PDE8B: variants seen among roughly 807,000 people sequenced by gnomAD.
PDE8B encodes the protein high affinity cAMP-specific and IBMX-insensitive 3',5'-cyclic phosphodiesterase 8B.
Under a neutral mutation model 101.3 loss-of-function variants are expected in PDE8B, and 26 were observed. The observed-to-expected ratio is 0.26, with a 90% CI of 0.19 to 0.36. The LOEUF (loss-of-function observed/expected upper bound fraction) is 0.36. Ranked by LOEUF, PDE8B falls within the 10% of genes least tolerant of loss-of-function variation. The pLI, the probability that PDE8B is intolerant of heterozygous loss-of-function variation, is 1.00. For synonymous variants in PDE8B, 424 were observed against 429.3 expected (o/e 0.99, Z 0.15); for missense variants, 810 against 1,163.1 (o/e 0.70, Z 4.42).
intron 7 of PDE8B, among the ~76,000 whole-genome samples, chr5:77,347,124 A>G (rs1002494619): frequency 6.6e-6 from 1 of 152,056 alleles, no homozygotes; most frequent in Admixed American, 6.6e-5. Flanking sequence ...CATCTATCTA[A>G]ACTCTATATG....
At chr5:77,107,875 A>G in the PDE8B span, among the ~76,000 whole-genome samples, 1 of 152,184 alleles carries the variant, frequency 6.6e-6, no homozygotes, top group Non-Finnish European at 1.5e-5. Flanking sequence ...TGTATTCTAT[A>G]TGGAAGTTAA....
chr5:77,190,522 T>A, the PDE8B span, among the ~76,000 whole-genome samples: 1 of 152,246 alleles, frequency 6.6e-6, no homozygotes, highest in Admixed American at 6.5e-5. Flanking sequence ...GTCTATAGTT[T>A]AGCGGCCAGT....
intron 1 of PDE8B, among the ~76,000 whole-genome samples, chr5:77,278,410 C>A (rs2149826105): frequency 6.6e-6 from 1 of 152,306 alleles, no homozygotes; most frequent in South Asian, 2.1e-4. Flanking sequence ...AGCCAAGTGT[C>A]TTTGAAGAAT....
the PDE8B span, chr5:77,113,624 C>A: frequency 6.6e-6 from 1 of 152,156 alleles, no homozygotes; most frequent in African/African-American, 2.4e-5. Flanking sequence ...ATGACTACAA[C>A]ACCAAAAGCA....
At chr5:77,124,877 G>A in the PDE8B span, among the ~76,000 whole-genome samples, 1 of 152,176 alleles carries the variant, frequency 6.6e-6, no homozygotes, top group African/African-American at 2.4e-5. Context: ...TATCATGTGT[G>A]CATCTGAAGT....
the PDE8B span, chr5:77,106,133 C>T: frequency 6.6e-6 from 1 of 152,020 alleles, no homozygotes; most frequent in Non-Finnish European, 1.5e-5. Flanking sequence ...TTTCATCTTC[C>T]TAATGGTGTT....
intron 1 of PDE8B, among the ~76,000 whole-genome samples, chr5:77,300,443 G>T (rs1455914628): frequency 6.6e-6 from 1 of 152,150 alleles, no homozygotes; most frequent in Non-Finnish European, 1.5e-5. Flanking sequence ...ACTCTCTAGG[G>T]TTTGGGGAGA....
At chr5:77,088,960 A>G in the PDE8B span, among the ~76,000 whole-genome samples, 1 of 152,286 alleles carries the variant, frequency 6.6e-6, no homozygotes, top group East Asian at 1.9e-4. Context: ...ATATCCTTAA[A>G]AGAAGAACAA....
At chr5:77,099,334 G>A in the PDE8B span, among the ~76,000 whole-genome samples, 7 of 152,338 alleles carry the variant, frequency 4.6e-5, no homozygotes, top group Admixed American at 3.9e-4. Context: ...CTAGAGCTGA[G>A]TAGACCAGTT....
intron 1 of PDE8B, among the ~76,000 whole-genome samples, chr5:77,259,792 C>G (rs1475156482): frequency 2.6e-5 from 4 of 152,212 alleles, no homozygotes; most frequent in East Asian, 1.9e-4. Flanking sequence ...AGATGAGTCT[C>G]TATAGTGTGG....
the PDE8B span, among the ~76,000 whole-genome samples, chr5:77,171,800 C>T: frequency 4.6e-5 from 7 of 152,176 alleles, no homozygotes; most frequent in African/African-American, 9.6e-5. Flanking sequence ...TCTGGGTTGC[C>T]GCGGAGGGAT....
Position 77,427,919 on chromosome 5 carries a change from C to G in PDE8B, c.*1365C>G, listed in dbSNP as rs141517393. On this transcript the variant is annotated 3_prime_UTR_variant, in exon 22 of 22. Transcript: ENST00000264917. Reference sequence around the variant, plus strand: ...TAATTGAATCAGTAATTACTTTTTTCCAATACAAATTGGAATGCAGAATAC... The same window carrying G: ...TAATTGAATCAGTAATTACTTTTTTGCAATACAAATTGGAATGCAGAATAC... 46 of 152,140 alleles carry G rather than the reference C, an allele frequency of 3.0e-4. No homozygotes were observed. Among genetic ancestry groups the G allele is most frequent in the African/African-American group, 1.1e-3 (45 of 41,522 alleles). The allele number at this position is 152,140 out of a possible 1,614,324, so 9.4% of individuals were successfully genotyped here. A position where few individuals can be genotyped will look rare whatever the true frequency, so the allele number is the denominator to read the frequency against.
intron 1 of PDE8B, among the ~76,000 whole-genome samples, chr5:77,260,732 C>T (rs1446701227): frequency 1.3e-5 from 2 of 151,842 alleles, no homozygotes; most frequent in African/African-American, 2.4e-5. Flanking sequence ...GGATTGCAGG[C>T]ATGTACCACC....
intron 1 of PDE8B, among the ~76,000 whole-genome samples, chr5:77,287,558 C>CTG (rs1465468747): frequency 3.7e-4 from 54 of 145,854 alleles, no homozygotes; most frequent in African/African-American, 1.3e-3. Flanking sequence ...CTGACGCGTT[C>CTG]TCTCTAATCC....
At chr5:77,133,709 A>G in the PDE8B span, among the ~76,000 whole-genome samples, 1 of 152,198 alleles carries the variant, frequency 6.6e-6, no homozygotes, top group Non-Finnish European at 1.5e-5. Flanking sequence ...TGTGCTGAGA[A>G]GTCTTCATGC....
chr5:77,297,853 A>C (rs1388839279), intron 1 of PDE8B, among the ~76,000 whole-genome samples: 1 of 152,082 alleles, frequency 6.6e-6, no homozygotes, highest in Non-Finnish European at 1.5e-5. Flanking sequence ...ATTCTCACTG[A>C]TCCTTCAACA....
At chr5:77,125,671 C>T in the PDE8B span, among the ~76,000 whole-genome samples, 11 of 152,066 alleles carry the variant, frequency 7.2e-5, no homozygotes, top group Admixed American at 6.5e-5. Context: ...CAAGGATGAA[C>T]CTTGAAAACA....
At chr5:77,237,865 G>A (rs1160819065) in intron 1 of PDE8B, among the ~76,000 whole-genome samples, 1 of 152,018 alleles carries the variant, frequency 6.6e-6, no homozygotes, top group Non-Finnish European at 1.5e-5. Context: ...ATAAAATATA[G>A]AATCCTGAGT....
chr5:77,364,981 C>G (rs1375452108), intron 10 of PDE8B, among the ~76,000 whole-genome samples: 1 of 152,116 alleles, frequency 6.6e-6, no homozygotes, highest in African/African-American at 2.4e-5. Flanking sequence ...ACAAAGGAAA[C>G]AAAAGGCAGA....
Sources: gnomAD v4.1 joint callset for allele counts (sites outside exome capture counted in the v4.1 genomes callset) on GRCh38, gnomAD v4.1.1 for gene constraint, MANE v1.5 for transcripts, NCBI Gene and HGNC (gene_info 2026-07-23, HGNC 2026-07-21) for gene names.